Variants in TMEM131L observed in about 807,000 individuals in gnomAD.
TMEM131L encodes the protein transmembrane 131 like.
A neutral mutation model predicts 192.2 loss-of-function variants in TMEM131L; 54 were observed. The ratio of observed to expected loss-of-function variants is 0.28; its 90% CI spans 0.23 to 0.35. TMEM131L has a LOEUF of 0.35. Ranked by LOEUF, TMEM131L falls within the 10% of genes least tolerant of loss-of-function variation. TMEM131L has a pLI of 1.00. For missense variants in TMEM131L, 1,888 were observed against 1,972.9 expected, an observed-to-expected ratio of 0.96 and a Z score of 0.82; for synonymous variants, 701 against 704.9, an observed-to-expected ratio of 0.99 and a Z score of 0.09.
Position 153,550,108 on chromosome 4 carries a change from AT to A in TMEM131L, c.279del (p.Gln94SerfsTer5). 1.3e-6 allele frequency: 2 copies of A among 1,490,270 alleles called. No individual in the cohort carries two copies. Among genetic ancestry groups the A allele is most frequent in the South Asian group, 1.3e-5 (1 of 74,728 alleles). 92.3% of individuals were successfully genotyped at this position (1,490,270 alleles called of 1,614,324 possible). ...AAACTATTTAGTGGAAAAGGCTTAC[AT>A]TTTCAGCCATCAGTTTTAGATTTTG... The part of the protein sequence containing the change: ...SDKLFSGKGL[H>X]FQPSVLDFGI... On this transcript the variant is annotated frameshift_variant, in exon 4 of 35. Transcript: ENST00000409959. LOFTEE classifies it high-confidence loss of function.
intron 9 of TMEM131L, 97 bp from the exon 10 acceptor site, chr4:153,583,093 G>A (rs1730472143): frequency 1.4e-6 from 1 of 726,528 alleles, no homozygotes; most frequent in South Asian, 1.6e-5. Context: ...TGTGTAATGT[G>A]GTATTTTAAT....
At position 153,550,125 on chromosome 4, in the gene TMEM131L, T is replaced by C. The variant is rs1737496579; in HGVS notation, c.292T>C (p.Leu98=). 3 of 1,460,288 alleles carry C rather than the reference T, an allele frequency of 2.1e-6. No homozygotes were observed. The highest frequency in any genetic ancestry group is 1.7e-4 in the Middle Eastern group (1 of 5,754). The allele number at this position is 1,460,288 out of a possible 1,614,324, so 90.5% of individuals were successfully genotyped here. A position where few individuals can be genotyped will look rare whatever the true frequency, so the allele number is the denominator to read the frequency against. Residue 98 remains leucine (L), a synonymous_variant, in exon 4 of 35, where the codon TTA becomes CTA. Transcript: ENST00000409959. Reference sequence around the variant, plus strand: ...AGGCTTACATTTTCAGCCATCAGTTTTAGATTTTGGAATACAGTAAGTATC... The same window carrying C: ...AGGCTTACATTTTCAGCCATCAGTTCTAGATTTTGGAATACAGTAAGTATC... ...GKGLHFQPSV[L]DFGIQFLGHP... is the part of the protein sequence containing the mutation.
At chr4:153,556,884 A>G in intron 5 of TMEM131L, 82 bp from the exon 6 acceptor site, 2 of 711,390 alleles carry the variant, frequency 2.8e-6, no homozygotes, top group South Asian at 1.7e-5. Flanking sequence ...GTTAACAGAA[A>G]TTGTCAAAAA....
At chr4:153,533,580 T>G (rs925034174) in intron 3 of TMEM131L, among the ~76,000 whole-genome samples, 2 of 152,198 alleles carry the variant, frequency 1.3e-5, no homozygotes, top group Admixed American at 6.5e-5. Flanking sequence ...AGATGGTTAG[T>G]CAAAGCATTT....
At chr4:153,504,264 G>C (rs1263681276) in intron 3 of TMEM131L, among the ~76,000 whole-genome samples, 1 of 127,528 alleles carries the variant, frequency 7.8e-6, no homozygotes, top group East Asian at 2.3e-4. Context: ...ACCGCGGTCG[G>C]CCTTTTTTTT....
At chr4:153,504,567 C>T (rs1437467927) in intron 3 of TMEM131L, among the ~76,000 whole-genome samples, 3 of 152,036 alleles carry the variant, frequency 2.0e-5, no homozygotes, top group Non-Finnish European at 2.9e-5. Flanking sequence ...GGATTACAGG[C>T]GTGAGCCACC....
At chr4:153,494,103 G>C (rs1181889112) in intron 3 of TMEM131L, among the ~76,000 whole-genome samples, 1 of 151,972 alleles carries the variant, frequency 6.6e-6, no homozygotes, top group African/African-American at 2.4e-5. Context: ...TTGAGCCTCA[G>C]TTTTCTCATC....
chr4:153,634,069 T>C (rs1201661502), intron 32 of TMEM131L, 123 bp from the exon 33 acceptor site: 1 of 812,888 alleles, frequency 1.2e-6, no homozygotes, highest in Non-Finnish European at 2.1e-6. Context: ...AGTACATCTT[T>C]TATTTTCCAA....
intron 3 of TMEM131L, among the ~76,000 whole-genome samples, chr4:153,490,911 G>C (rs1246050555): frequency 7.2e-6 from 1 of 138,542 alleles, no homozygotes; most frequent in Admixed American, 8.0e-5. Flanking sequence ...CCGAGATCAC[G>C]CCACTGCACT....
At chr4:153,625,664 T>A (rs1027070607) in intron 29 of TMEM131L, among the ~76,000 whole-genome samples, 15 of 152,146 alleles carry the variant, frequency 9.9e-5, no homozygotes, top group African/African-American at 2.9e-4. Flanking sequence ...GTAAAGAACT[T>A]TGGGAGGCCG....
At chr4:153,484,214 TC>T (rs1732146147) in intron 3 of TMEM131L, among the ~76,000 whole-genome samples, 1 of 152,030 alleles carries the variant, frequency 6.6e-6, no homozygotes, top group Non-Finnish European at 1.5e-5. Context: ...ATAGTAATTT[TC>T]CCCCCAATCA....
chr4:153,518,710 G>C (rs765691421), intron 3 of TMEM131L, among the ~76,000 whole-genome samples: 1 of 152,134 alleles, frequency 6.6e-6, no homozygotes, highest in Non-Finnish European at 1.5e-5. Context: ...ATAGGCTCTC[G>C]TATATGTTGG....
chr4:153,468,970 T>C (rs996240699), intron 2 of TMEM131L, among the ~76,000 whole-genome samples: 1 of 152,242 alleles, frequency 6.6e-6, no homozygotes, highest in Non-Finnish European at 1.5e-5. Context: ...GTATATACTC[T>C]CATTTGTTAG....
intron 3 of TMEM131L, among the ~76,000 whole-genome samples, chr4:153,481,285 G>A (rs750708331): frequency 1.3e-5 from 2 of 152,152 alleles, no homozygotes; most frequent in Non-Finnish European, 2.9e-5. Context: ...CCAAGTTTCT[G>A]AGTCTCATGC....
intron 7 of TMEM131L, among the ~76,000 whole-genome samples, chr4:153,563,599 G>A (rs551089254): frequency 2.1e-4 from 32 of 150,984 alleles, no homozygotes; most frequent in Non-Finnish European, 4.7e-4. Flanking sequence ...TCCCGAGTAG[G>A]TGAGATCACA....
chr4:153,545,290 C>CTTTTTTTATTTTTTTTTTTT (rs1737085371), intron 3 of TMEM131L, among the ~76,000 whole-genome samples: 1 of 132,326 alleles, frequency 7.6e-6, no homozygotes. Flanking sequence ...CTTTTTCAAA[C>CTTTTTTTATTTTTTTTTTTT]TTTTTTTTTT....
intron 19 of TMEM131L, among the ~76,000 whole-genome samples, chr4:153,595,948 T>C (rs1267340050): frequency 6.6e-6 from 1 of 152,236 alleles, no homozygotes; most frequent in African/African-American, 2.4e-5. Flanking sequence ...TTCTGATTGA[T>C]GTTGTACATT....
chr4:153,558,663 A>C (rs533664667), intron 7 of TMEM131L: 1 of 173,250 alleles, frequency 5.8e-6, no homozygotes, highest in African/African-American at 2.4e-5. Context: ...TTTCCTTCTG[A>C]ATCCTCTGTT....
chr4:153,602,819 A>G (rs1731939146), intron 23 of TMEM131L, 92 bp downstream of exon 23: 2 of 1,101,688 alleles, frequency 1.8e-6, no homozygotes, highest in South Asian at 2.9e-5. Context: ...AGTGTAGTCA[A>G]AGTATATGAA....
Sources: allele counts gnomAD v4.1 joint callset (sites outside exome capture counted in the v4.1 genomes callset), GRCh38; gene constraint gnomAD v4.1.1; transcripts MANE v1.5; gene names NCBI Gene and HGNC (gene_info 2026-07-23, HGNC 2026-07-21).